The following COPG2 variants were observed in gnomAD, a reference collection of about 807,000 sequenced individuals.
COPG2 encodes the protein coatomer subunit gamma-2.
Under a neutral mutation model 46.3 loss-of-function variants are expected in COPG2, and 37 were observed. The ratio of observed to expected loss-of-function variants is 0.80; its 90% confidence interval spans 0.61 to 1.05. The LOEUF (loss-of-function observed/expected upper bound fraction) is 1.05, where lower values mean the gene tolerates loss of function less well. COPG2 is among the 50% of genes least tolerant of loss of function. The pLI is 0.00. For missense variants in COPG2, 427 were observed against 387.8 expected (o/e 1.10, Z -0.85); for synonymous variants, 159 against 129.7 (o/e 1.23, Z -1.53).
At chr7:130,576,117 T>C (rs148310372) in intron 9 of COPG2, among the ~76,000 whole-genome samples, 9 of 152,256 alleles carry the variant, frequency 5.9e-5, no homozygotes, top group African/African-American at 2.2e-4. Flanking sequence ...AACACAATAA[T>C]AGTGGGGGAC....
chr7:130,605,627 G>C (rs1794713408), intron 9 of COPG2: 4 of 462,518 alleles, frequency 8.6e-6, no homozygotes, highest in South Asian at 6.3e-5. Flanking sequence ...GCAACCTCTA[G>C]AGGCACAGAC....
chr7:130,569,289 T>C, intron 9 of COPG2, among the ~76,000 whole-genome samples: 1 of 151,948 alleles, frequency 6.6e-6, no homozygotes, highest in East Asian at 1.9e-4. Context: ...TCTTTGAAGA[T>C]AAACAAAATT....
intron 5 of COPG2, among the ~76,000 whole-genome samples, chr7:130,646,441 T>C (rs1367870035): frequency 6.6e-6 from 1 of 152,078 alleles, no homozygotes; most frequent in Admixed American, 6.5e-5. Context: ...AATGTAATGT[T>C]TGTTCTTGTT....
intron 5 of COPG2, among the ~76,000 whole-genome samples, chr7:130,648,091 T>C (rs1437916392): frequency 2.6e-5 from 4 of 152,222 alleles, no homozygotes; most frequent in African/African-American, 9.6e-5. Context: ...AACATTGTGC[T>C]TATTGGCCAT....
At chr7:130,634,924 T>TG (rs2116179927) in intron 5 of COPG2, among the ~76,000 whole-genome samples, 1 of 151,614 alleles carries the variant, frequency 6.6e-6, no homozygotes, top group African/African-American at 2.4e-5. Context: ...CATGAAGGGG[T>TG]GTTTAATTTT....
chr7:130,564,128 A>G (rs1793763807), intron 10 of COPG2, 132 bp downstream of exon 10: 2 of 396,974 alleles, frequency 5.0e-6, no homozygotes, highest in African/African-American at 4.1e-5. Context: ...CATATAAGCT[A>G]TCAGAATGCA....
intron 9 of COPG2, among the ~76,000 whole-genome samples, chr7:130,567,786 C>T (rs1285134165): frequency 1.3e-5 from 2 of 152,110 alleles, no homozygotes; most frequent in East Asian, 3.8e-4. Flanking sequence ...ACCACCAAGC[C>T]AGCACTACAA....
chr7:130,511,650 AAG>A (rs782310412), intron 20 of COPG2: 1 of 515,884 alleles, frequency 1.9e-6, no homozygotes, highest in Non-Finnish European at 3.9e-6. Flanking sequence ...CAAAAGTCAT[AAG>A]AGAGTATGAA....
At chr7:130,507,965 A>AATGT in intron 21 of COPG2, 142 bp from the exon 22 acceptor site, 1 of 629,372 alleles carries the variant, frequency 1.6e-6, no homozygotes, top group Non-Finnish European at 2.8e-6. Flanking sequence ...GGATAAATCT[A>AATGT]ATGTTGTAGC....
intron 4 of COPG2, among the ~76,000 whole-genome samples, chr7:130,653,415 G>C (rs1795788810): frequency 6.6e-6 from 1 of 152,058 alleles, no homozygotes; most frequent in Admixed American, 6.6e-5. Context: ...CACCACACCT[G>C]GCTAATTTTT....
At chr7:130,568,195 A>C (rs1290700733) in intron 9 of COPG2, among the ~76,000 whole-genome samples, 1 of 152,148 alleles carries the variant, frequency 6.6e-6, no homozygotes, top group Non-Finnish European at 1.5e-5. Flanking sequence ...GAATCACTTG[A>C]ACCTGGGAGA....
chr7:130,521,891 A>G (rs1799727175), intron 20 of COPG2, among the ~76,000 whole-genome samples: 2 of 152,224 alleles, frequency 1.3e-5, no homozygotes, highest in South Asian at 4.1e-4. Context: ...TCAGAAGACA[A>G]CTATATGCAT....
At chr7:130,564,960 A>C (rs1423233602) in intron 9 of COPG2, among the ~76,000 whole-genome samples, 1 of 152,228 alleles carries the variant, frequency 6.6e-6, no homozygotes, top group Middle Eastern at 3.2e-3. Flanking sequence ...GTATTTGGTT[A>C]ATCTTGCAGC....
At chr7:130,604,801 G>T in intron 9 of COPG2, 1 of 484,160 alleles carries the variant, frequency 2.1e-6, no homozygotes, top group Non-Finnish European at 4.0e-6. Flanking sequence ...AAAGTTTAGT[G>T]GAGTTTTTTT....
intron 9 of COPG2, among the ~76,000 whole-genome samples, chr7:130,591,079 C>A (rs1408914660): frequency 3.3e-5 from 5 of 149,672 alleles, no homozygotes; most frequent in African/African-American, 9.8e-5. Context: ...GCCGCCCCGT[C>A]CAGAAGGGAG....
intron 9 of COPG2, among the ~76,000 whole-genome samples, chr7:130,593,024 A>T (rs1214457584): frequency 6.6e-6 from 1 of 152,274 alleles, no homozygotes; most frequent in African/African-American, 2.4e-5. Flanking sequence ...GGACAAGTGC[A>T]TCTGGTATTA....
At chr7:130,656,968 T>C (rs1253411193) in intron 4 of COPG2, among the ~76,000 whole-genome samples, 2 of 149,722 alleles carry the variant, frequency 1.3e-5, no homozygotes, top group Non-Finnish European at 3.0e-5. Flanking sequence ...TATAACCTTG[T>C]CTATTTCTAG....
chr7:130,566,954 T>G (rs1793814110), intron 9 of COPG2, among the ~76,000 whole-genome samples: 1 of 152,174 alleles, frequency 6.6e-6, no homozygotes, highest in African/African-American at 2.4e-5. Context: ...CTATGTTCAC[T>G]GCACCACTAC....
chr7:130,529,136 C>A (rs1237977437), intron 20 of COPG2, among the ~76,000 whole-genome samples: 1 of 152,012 alleles, frequency 6.6e-6, no homozygotes, highest in Non-Finnish European at 1.5e-5. Flanking sequence ...GTTAAGGGTG[C>A]CTTAAGATAG....
Sources: allele counts gnomAD v4.1 joint callset (sites outside exome capture counted in the v4.1 genomes callset), GRCh38; gene constraint gnomAD v4.1.1; transcripts MANE v1.5; gene names NCBI Gene and HGNC (gene_info 2026-07-23, HGNC 2026-07-21).